The following ADAMTSL1 variants were observed in gnomAD, a reference collection of about 807,000 sequenced individuals.
ADAMTSL1 encodes ADAMTS-like protein 1.
Under a neutral mutation model 201.8 loss-of-function variants are expected in ADAMTSL1, and 126 were observed. That is an observed-to-expected ratio of 0.62 (90% CI 0.54 to 0.72). The LOEUF (loss-of-function observed/expected upper bound fraction) is 0.72. Ranked by LOEUF, ADAMTSL1 falls within the 30% of genes least tolerant of loss-of-function variation. The pLI is 0.00. For missense variants in ADAMTSL1, 2,679 were observed against 2,277.8 expected (o/e 1.18, Z -3.59); for synonymous variants, 1,121 against 903.4 (o/e 1.24, Z -4.32).
intron 2 of ADAMTSL1, among the ~76,000 whole-genome samples, chr9:18,245,260 A>G (rs979697167): frequency 2.0e-5 from 3 of 151,978 alleles, no homozygotes; most frequent in Admixed American, 1.3e-4. Flanking sequence ...TTTAAAAGAA[A>G]AGAAATAGGT....
At chr9:18,027,243 T>C (rs531323072) in intron 1 of ADAMTSL1, among the ~76,000 whole-genome samples, 16 of 151,922 alleles carry the variant, frequency 1.1e-4, no homozygotes, top group Middle Eastern at 3.4e-3. Context: ...GTCATTTCCT[T>C]TCTTCTGCTA....
At chr9:18,467,199 C>A (rs1297895941) in intron 2 of ADAMTSL1, among the ~76,000 whole-genome samples, 1 of 152,084 alleles carries the variant, frequency 6.6e-6, no homozygotes, top group African/African-American at 2.4e-5. Context: ...AACAGGGTAG[C>A]AGGTGAAAAG....
At chr9:18,698,921 C>G (rs972731977) in intron 13 of ADAMTSL1, among the ~76,000 whole-genome samples, 2 of 152,084 alleles carry the variant, frequency 1.3e-5, no homozygotes, top group African/African-American at 4.8e-5. Flanking sequence ...TAGTAAGACT[C>G]CTTATAATGT....
chr9:18,905,871 G>A lies in ADAMTSL1; in HGVS notation c.4941G>A (p.Glu1647=). ...GGGATGGCATCACCTTACCATCAGAGCAGTGCAGTGCTCTTCCGAGGTAAG... is the reference window on the plus strand; with the variant it reads ...GGGATGGCATCACCTTACCATCAGAACAGTGCAGTGCTCTTCCGAGGTAAG... ...QTRDGITLPS[E]QCSALPRPVS... Residue 1647 remains glutamate (E), a synonymous_variant, in exon 27 of 29, where the codon GAG becomes GAA. Coordinates refer to ENST00000380548, the MANE Select transcript of ADAMTSL1 (RefSeq NM_001040272.6). 6.2e-7 allele frequency: 1 copy of A among 1,612,348 alleles called. No homozygotes were observed. The highest frequency in any genetic ancestry group is 8.5e-7 in the Non-Finnish European group (1 of 1,179,110).
At chr9:18,595,077 A>G (rs1237245748) in intron 4 of ADAMTSL1, among the ~76,000 whole-genome samples, 1 of 152,148 alleles carries the variant, frequency 6.6e-6, no homozygotes, top group Admixed American at 6.5e-5. Context: ...ACAAATGCTC[A>G]GAAGTTGATG....
chr9:18,133,756 A>G (rs72699484), intron 1 of ADAMTSL1, among the ~76,000 whole-genome samples: 5,800 of 152,222 alleles, frequency 0.038, 151 homozygotes, highest in Non-Finnish European at 0.061. Flanking sequence ...GTGTGTATGT[A>G]TATATTTACA....
chr9:18,319,550 G>T (rs1794907578), intron 2 of ADAMTSL1, among the ~76,000 whole-genome samples: 1 of 151,992 alleles, frequency 6.6e-6, no homozygotes, highest in African/African-American at 2.4e-5. Flanking sequence ...ACTCTCAAAA[G>T]ATACAAAAAA....
At chr9:18,105,092 G>C (rs961242072) in intron 1 of ADAMTSL1, among the ~76,000 whole-genome samples, 6 of 152,160 alleles carry the variant, frequency 3.9e-5, no homozygotes, top group Non-Finnish European at 5.9e-5. Context: ...GTGAGTCAGA[G>C]ACTCAGTTCT....
chr9:18,737,763 T>C (rs1818599400), intron 15 of ADAMTSL1, among the ~76,000 whole-genome samples: 1 of 152,200 alleles, frequency 6.6e-6, no homozygotes, highest in Non-Finnish European at 1.5e-5. Flanking sequence ...TTAAGCAACT[T>C]GTCCAAATAG....
At chr9:18,410,351 C>A (rs543924484) in intron 2 of ADAMTSL1, among the ~76,000 whole-genome samples, 1 of 152,100 alleles carries the variant, frequency 6.6e-6, no homozygotes, top group Admixed American at 6.6e-5. Flanking sequence ...CCTGATTTCT[C>A]CCTCTCCCCT....
intron 23 of ADAMTSL1, among the ~76,000 whole-genome samples, chr9:18,883,841 A>C (rs61458521): frequency 6.6e-6 from 1 of 152,138 alleles, no homozygotes; most frequent in Non-Finnish European, 1.5e-5. Flanking sequence ...AGTGGTTTAA[A>C]TCTTTTGGGT....
rs1232717918 is a variant in ADAMTSL1, at chr9:18,826,404, C to T, written c.4055C>T (p.Ser1352Phe). The T allele has an allele frequency of 2.5e-6, 4 of 1,613,856 alleles. No individual in the cohort carries two copies. The South Asian group carries it at 4.4e-5, about 18-fold the overall frequency. Residue 1352 changes from serine to phenylalanine, a missense_variant, in exon 22 of 29, where the codon TCC becomes TTC. Transcript: ENST00000380548. The part of the protein sequence containing the change: ...NVSSSDQGLY[S>F]CRAANLHGEL... ...TCCTCCTCGGATCAGGGCCTGTACT[C>T]CTGCAGGGCGGCCAATCTTCATGGA...
intron 20 of ADAMTSL1, among the ~76,000 whole-genome samples, chr9:18,802,673 C>T (rs564919877): frequency 9.8e-5 from 15 of 152,306 alleles, no homozygotes; most frequent in South Asian, 6.2e-4. Flanking sequence ...TGAAGATTCA[C>T]GTACATGTTT....
At chr9:17,987,746 T>C (rs531844835) in intron 1 of ADAMTSL1, among the ~76,000 whole-genome samples, 5 of 151,980 alleles carry the variant, frequency 3.3e-5, no homozygotes, top group Non-Finnish European at 7.4e-5. Context: ...ATTGGAAACT[T>C]TTCTTATCTT....
intron 26 of ADAMTSL1, among the ~76,000 whole-genome samples, chr9:18,893,138 T>G (rs2131565191): frequency 6.6e-6 from 1 of 152,106 alleles, no homozygotes; most frequent in South Asian, 2.1e-4. Context: ...TGTATATGCT[T>G]CATAATCAAA....
At chr9:18,687,105 A>T (rs1379511643) in intron 13 of ADAMTSL1, among the ~76,000 whole-genome samples, 1 of 152,198 alleles carries the variant, frequency 6.6e-6, no homozygotes, top group African/African-American at 2.4e-5. Flanking sequence ...CAGAATAATA[A>T]TTACTTTTAT....
intron 2 of ADAMTSL1, among the ~76,000 whole-genome samples, chr9:18,364,364 A>T (rs1265194956): frequency 2.6e-5 from 4 of 152,170 alleles, no homozygotes; most frequent in South Asian, 4.1e-4. Flanking sequence ...GAGGATCCCT[A>T]AAAAACTCAG....
At chr9:18,105,201 GCTCT>G (rs1564003086) in intron 1 of ADAMTSL1, among the ~76,000 whole-genome samples, 1 of 152,122 alleles carries the variant, frequency 6.6e-6, no homozygotes, top group Admixed American at 6.6e-5. Context: ...TGGAATATGT[GCTCT>G]CTGAGTTTCC....
intron 2 of ADAMTSL1, among the ~76,000 whole-genome samples, chr9:18,423,880 A>G (rs1819075519): frequency 6.6e-6 from 1 of 152,206 alleles, no homozygotes; most frequent in Non-Finnish European, 1.5e-5. Context: ...TAACTTTCAT[A>G]TCTTTAGTTT....
Sources: gnomAD v4.1 joint callset for allele counts (sites outside exome capture counted in the v4.1 genomes callset) on GRCh38, gnomAD v4.1.1 for gene constraint, MANE v1.5 for transcripts, NCBI Gene and HGNC (gene_info 2026-07-23, HGNC 2026-07-21) for gene names.